The following ARHGAP12 variants were observed in gnomAD, a reference collection of about 807,000 sequenced individuals.
ARHGAP12 encodes the protein Rho GTPase activating protein 12.
Under a neutral mutation model 108.6 loss-of-function variants are expected in ARHGAP12, and 64 were observed. The observed-to-expected ratio is 0.59, with a 90% confidence interval of 0.48 to 0.73. The LOEUF is 0.73. ARHGAP12 is among the 30% of genes least tolerant of loss of function. The pLI is 0.00. For synonymous variants in ARHGAP12, 312 were observed against 337.2 expected, an observed-to-expected ratio of 0.93 and a Z score of 0.82; for missense variants, 940 against 1,005.9, an observed-to-expected ratio of 0.93 and a Z score of 0.89.
intron 1 of ARHGAP12, among the ~76,000 whole-genome samples, chr10:31,912,084 G>A (rs570102527): frequency 2.0e-5 from 3 of 152,090 alleles, no homozygotes; most frequent in Non-Finnish European, 4.4e-5. Context: ...ACGCTCAGTC[G>A]TTACTTTCAT....
Position 31,888,502 on chromosome 10 carries a change from A to G in ARHGAP12, c.684+19670T>C, listed in dbSNP as rs191847365. Among the ~76,000 whole-genome samples, 119 of 152,378 alleles carry G rather than the reference A, an allele frequency of 7.8e-4. 1 individual carries two copies. The highest frequency in any genetic ancestry group is 2.7e-3 in the African/African-American group (113 of 41,594). On this transcript the variant is annotated intron_variant, in intron 3 of 19. Transcript: ENST00000344936. ...ACGTGGATGAAATATCTTTGGAAGA[A>G]TAACAGAACCATGGAGAGAAAATCA...
At chr10:31,820,100 A>T (rs1481400948) in intron 12 of ARHGAP12, among the ~76,000 whole-genome samples, 1 of 152,090 alleles carries the variant, frequency 6.6e-6, no homozygotes, top group East Asian at 1.9e-4. Flanking sequence ...TTACTTTTTA[A>T]TATTAGATTT....
At chr10:31,892,177 C>T (rs1390298503) in intron 3 of ARHGAP12, among the ~76,000 whole-genome samples, 7 of 152,046 alleles carry the variant, frequency 4.6e-5, no homozygotes, top group African/African-American at 1.4e-4. Context: ...TAAAGACCAT[C>T]GAGGCTAGGA....
Position 31,884,094 on chromosome 10 carries a change from TAAA to T in ARHGAP12, c.685-22439_685-22437del, listed in dbSNP as rs59701767. On this transcript the variant is annotated intron_variant, in intron 3 of 19. Transcript: ENST00000344936. ...TAACATGGCATTATATGTTTACACC[TAAA>T]AAAAAAAAAAAAAAAAGAATTTAAT... Among the ~76,000 whole-genome samples the T allele has an allele frequency of 4.2e-3, 481 of 114,434 alleles. 4 individuals carry two copies. The highest frequency in any genetic ancestry group is 0.014 in the African/African-American group (429 of 31,574). The allele number at this position is 114,434 out of a possible 152,430, so 75.1% of individuals were successfully genotyped here. A position where few individuals can be genotyped will look rare whatever the true frequency, so the allele number is the denominator to read the frequency against.
chr10:31,825,329 G>A (rs989606281), intron 11 of ARHGAP12, among the ~76,000 whole-genome samples: 6 of 152,082 alleles, frequency 3.9e-5, no homozygotes, highest in African/African-American at 1.2e-4. Flanking sequence ...CATAGGTTTT[G>A]TATTAATTTT....
chr10:31,808,714 G>T lies in ARHGAP12; in HGVS notation c.2301C>A (p.Asp767Glu). 2 of 1,613,806 alleles carry T rather than the reference G, an allele frequency of 1.2e-6. No individual in the cohort carries two copies. The highest frequency in any genetic ancestry group is 1.7e-6 in the Non-Finnish European group (2 of 1,179,758). Residue 767 changes from aspartate to glutamate, a missense_variant, in exon 19 of 20, where the codon GAC becomes GAA. Asp to Glu is a conservative substitution (Grantham distance 45, BLOSUM62 2). Transcript: ENST00000344936. ...EPRQRVAAVKDLIRQLPKPNQ... is the reference protein window; with the variant it reads ...EPRQRVAAVKELIRQLPKPNQ... Reference sequence around the variant, plus strand: ...TTGGCTTTGGCAACTGTCTGATTAGGTCCTTAACAGCAGCGACTCGCTGTC... The same window carrying T: ...TTGGCTTTGGCAACTGTCTGATTAGTTCCTTAACAGCAGCGACTCGCTGTC...
Position 31,928,708 on chromosome 10 carries a change from G to A in ARHGAP12, c.-136C>T, listed in dbSNP as rs1022778574. The A allele has an allele frequency of 6.6e-6, 1 of 152,180 alleles. No homozygotes were observed. The highest frequency in any genetic ancestry group is 2.1e-4 in the South Asian group (1 of 4,872). The allele number at this position is 152,180 out of a possible 1,614,324, so 9.4% of individuals were successfully genotyped here. A position where few individuals can be genotyped will look rare whatever the true frequency, so the allele number is the denominator to read the frequency against. The stretch of plus-strand genomic sequence containing the variant: ...CGGGAGCCCGGCGGCCTCGCAGCAG[G>A]CGGCTCCCTTCTTAGTCCGCCCCGC... On this transcript the variant is annotated 5_prime_UTR_variant, in exon 1 of 20. Transcript: ENST00000344936.
chr10:31,908,985 G>T, intron 2 of ARHGAP12, 59 bp from the exon 3 acceptor site: 2 of 896,522 alleles, frequency 2.2e-6, no homozygotes, highest in Non-Finnish European at 3.3e-6. Flanking sequence ...TCTGGATTTC[G>T]TATTTACTCA....
intron 3 of ARHGAP12, 117 bp downstream of exon 3, chr10:31,908,055 T>C (rs1839207360): frequency 2.1e-6 from 2 of 970,762 alleles, no homozygotes; most frequent in Admixed American, 3.0e-5. Flanking sequence ...AGAACCCATG[T>C]ACTCTGAAAA....
rs1251808827 is a variant in ARHGAP12 at position 31,901,172 on chromosome 10, C to T, written c.684+7000G>A. Among the ~76,000 whole-genome samples, 7 of 149,376 alleles carry T rather than the reference C, an allele frequency of 4.7e-5. No homozygotes were observed. In the East Asian group the frequency reaches 5.9e-4, roughly 13 times the overall value. On this transcript the variant is annotated intron_variant, in intron 3 of 19. Coordinates refer to ENST00000344936, the MANE Select transcript of ARHGAP12 (RefSeq NM_018287.7). The stretch of plus-strand genomic sequence containing the variant: ...CAGAGACTACAGTGAGCCAAGATTG[C>T]GCCACTGCACTCCACTCTGGGTGAC...
chr10:31,904,499 C>T (rs1453410640), intron 3 of ARHGAP12, among the ~76,000 whole-genome samples: 2 of 152,112 alleles, frequency 1.3e-5, no homozygotes, highest in Non-Finnish European at 2.9e-5. Flanking sequence ...ACAGGATTCC[C>T]GTGGTGATGG....
At chr10:31,857,181 A>C (rs577254964) in intron 4 of ARHGAP12, among the ~76,000 whole-genome samples, 25 of 152,242 alleles carry the variant, frequency 1.6e-4, no homozygotes, top group Non-Finnish European at 2.4e-4. Flanking sequence ...AAATAAAGCA[A>C]ACGTGGCAAA....
At chr10:31,912,358 A>T (rs1010870590) in intron 1 of ARHGAP12, among the ~76,000 whole-genome samples, 1 of 152,216 alleles carries the variant, frequency 6.6e-6, no homozygotes, top group Admixed American at 6.5e-5. Flanking sequence ...AGGATGAAGA[A>T]TAACAAGTGA....
chr10:31,886,457 C>T (rs181537310), intron 3 of ARHGAP12, among the ~76,000 whole-genome samples: 28 of 152,088 alleles, frequency 1.8e-4, no homozygotes, highest in African/African-American at 6.5e-4. Flanking sequence ...AATATAACAC[C>T]TAAGATTTTT....
At chr10:31,829,159 A>C (rs1156503287) in intron 10 of ARHGAP12, among the ~76,000 whole-genome samples, 1 of 149,872 alleles carries the variant, frequency 6.7e-6, no homozygotes, top group Non-Finnish European at 1.5e-5. Context: ...CTCAAAAACA[A>C]CAACAACAAC....
At chr10:31,920,427 G>T (rs1001670429) in intron 1 of ARHGAP12, among the ~76,000 whole-genome samples, 2 of 118,456 alleles carry the variant, frequency 1.7e-5, no homozygotes, top group Admixed American at 2.2e-4. Context: ...TCCAGCCTAG[G>T]CGACAGAGTG....
intron 1 of ARHGAP12, among the ~76,000 whole-genome samples, chr10:31,914,294 T>C (rs1330516844): frequency 6.6e-6 from 1 of 152,174 alleles, no homozygotes; most frequent in Non-Finnish European, 1.5e-5. Context: ...AGTAGGTTCA[T>C]AGTTTCAGGT....
intron 3 of ARHGAP12, among the ~76,000 whole-genome samples, chr10:31,862,505 A>C (rs550487930): frequency 6.6e-6 from 1 of 152,228 alleles, no homozygotes; most frequent in Admixed American, 6.5e-5. Flanking sequence ...AAAAAAACAC[A>C]CGTCTGAGAA....
intron 4 of ARHGAP12, among the ~76,000 whole-genome samples, chr10:31,855,671 G>C (rs1836860592): frequency 6.6e-6 from 1 of 152,176 alleles, no homozygotes; most frequent in Admixed American, 6.5e-5. Flanking sequence ...GACGAGAAGA[G>C]TGCAGTAAAA....
Sources: gnomAD v4.1 joint callset for allele counts (sites outside exome capture counted in the v4.1 genomes callset) on GRCh38, gnomAD v4.1.1 for gene constraint, MANE v1.5 for transcripts, NCBI Gene and HGNC (gene_info 2026-07-23, HGNC 2026-07-21) for gene names.